The following FBRSL1 variants were observed in gnomAD, a reference collection of about 807,000 sequenced individuals.
FBRSL1 encodes fibrosin like 1.
Under a neutral mutation model 89.6 loss-of-function variants are expected in FBRSL1, and 51 were observed. The observed-to-expected ratio is 0.57, with a 90% CI of 0.45 to 0.72. The LOEUF (loss-of-function observed/expected upper bound fraction) is 0.72, where lower values mean the gene tolerates loss of function less well. Ranked by LOEUF, FBRSL1 falls within the 30% of genes least tolerant of loss-of-function variation. The probability of loss-of-function intolerance (pLI) is 0.00; values close to 1 mark genes in which losing one functional copy is unlikely to be tolerated. For synonymous variants in FBRSL1, 779 were observed against 681.1 expected, an observed-to-expected ratio of 1.14 and a Z score of -2.24; for missense variants, 1,618 against 1,451.8, an observed-to-expected ratio of 1.11 and a Z score of -1.86.
chr12:132,581,900 C>T, intron 17 of FBRSL1, 76 bp downstream of exon 17: 1 of 1,405,418 alleles, frequency 7.1e-7, no homozygotes, highest in Non-Finnish European at 9.6e-7. Context: ...TGCAGGAACC[C>T]CGATGCCTGG....
At chr12:132,502,776 A>G in intron 1 of FBRSL1, among the ~76,000 whole-genome samples, 1 of 9,440 alleles carries the variant, frequency 1.1e-4, no homozygotes, top group Non-Finnish European at 2.1e-4. Context: ...CCCGCCCCCT[A>G]CCGTCCCTGC....
At chr12:132,523,683 C>T (rs947262431) in intron 2 of FBRSL1, among the ~76,000 whole-genome samples, 1 of 152,238 alleles carries the variant, frequency 6.6e-6, no homozygotes, top group African/African-American at 2.4e-5. Context: ...CCCTGAGCCT[C>T]TGTCCCTAGA....
chr12:132,526,923 C>G lies in FBRSL1; in HGVS notation c.580-1030C>G, dbSNP rs377281888. ...AGCTGGTGTGATCCATACCTCTGTC[C>G]TGAAGACCTCACAACACCCACTCGA... On this transcript the variant is annotated intron_variant, in intron 3 of 18. Transcript: ENST00000680143. Among the ~76,000 whole-genome samples, 14 of 152,268 alleles carry G rather than the reference C, an allele frequency of 9.2e-5. No homozygotes were observed. In the South Asian group the frequency reaches 2.9e-3, roughly 32 times the overall value.
At chr12:132,582,830 G>A in intron 18 of FBRSL1, 141 bp from the exon 19 acceptor site, 1 of 604,450 alleles carries the variant, frequency 1.7e-6, no homozygotes, top group Non-Finnish European at 2.5e-6. Flanking sequence ...GAGCCTGTGG[G>A]GGTGCGGGAG....
intron 2 of FBRSL1, chr12:132,509,046 G>A (rs1021359247): frequency 7.4e-6 from 9 of 1,215,296 alleles, no homozygotes; most frequent in African/African-American, 4.7e-5. Flanking sequence ...GGCTCTCCTC[G>A]GCCCCCTTGG....
chr12:132,534,470 G>T (rs1434033238), intron 4 of FBRSL1, among the ~76,000 whole-genome samples: 1 of 152,250 alleles, frequency 6.6e-6, no homozygotes, highest in Non-Finnish European at 1.5e-5. Context: ...CTGCCAGGGC[G>T]GGGTCCAGAT....
rs911582928 is a variant in FBRSL1 at position 132,499,795 on chromosome 12, C to G, written c.292-8358C>G. ...CTGGGGACTCAGGGCAAATGGGGTA[C>G]TTGGTTCCACGTACCTGTGGAGGAC... On this transcript the variant is annotated intron_variant, in intron 1 of 18. Coordinates refer to ENST00000680143, the MANE Select transcript of FBRSL1 (RefSeq NM_001367871.1). The surrounding 1 kb of genome is among the most constrained non-coding windows in gnomAD (Gnocchi z 4.3). Among the ~76,000 whole-genome samples, 8 of 152,084 alleles carry G rather than the reference C, an allele frequency of 5.3e-5. No individual in the cohort carries two copies. Among genetic ancestry groups the G allele is most frequent in the African/African-American group, 1.7e-4 (7 of 41,386 alleles).
intron 2 of FBRSL1, among the ~76,000 whole-genome samples, chr12:132,518,249 CCTGT>C (rs1234780240): frequency 6.7e-6 from 1 of 149,876 alleles, no homozygotes; most frequent in Non-Finnish European, 1.5e-5. Context: ...CCATCATCCA[CCTGT>C]CTGTCCATCC....
intron 11 of FBRSL1, among the ~76,000 whole-genome samples, chr12:132,573,851 C>G (rs1593569694): frequency 6.6e-6 from 1 of 152,182 alleles, no homozygotes; most frequent in South Asian, 2.1e-4. Context: ...CAAGTGGCTC[C>G]CCGGGGAGGG....
At chr12:132,500,141 G>T (rs138797626) in intron 1 of FBRSL1, among the ~76,000 whole-genome samples, 6 of 152,202 alleles carry the variant, frequency 3.9e-5, no homozygotes, top group East Asian at 3.8e-4. Flanking sequence ...GCCATCAAGC[G>T]TCTGGGGCTG....
Position 132,525,791 on chromosome 12 carries a change from G to C in FBRSL1, c.547G>C (p.Glu183Gln). The C allele has an allele frequency of 6.5e-7, 1 of 1,549,820 alleles. No individual in the cohort carries two copies. The highest frequency in any genetic ancestry group is 8.7e-7 in the Non-Finnish European group (1 of 1,146,316). Residue 183 changes from glutamate (E) to glutamine (Q), a missense_variant, in exon 3 of 19, where the codon GAA (glutamate) becomes CAA (glutamine). Glu to Gln is a conservative substitution (Grantham distance 29). Transcript: ENST00000680143. ...GGACAGTGACGACGACAGCGTCCTC[G>C]AAGCCACCAGCTCCCGGGACCCGCT... ...DRDSDDDSVL[E>Q]ATSSRDPLSD...
At chr12:132,523,827 C>T (rs1001265576) in intron 2 of FBRSL1, among the ~76,000 whole-genome samples, 3 of 152,184 alleles carry the variant, frequency 2.0e-5, no homozygotes, top group Non-Finnish European at 4.4e-5. Context: ...CCCGGGACCC[C>T]GCGTTGAGAA....
intron 5 of FBRSL1, among the ~76,000 whole-genome samples, chr12:132,561,769 G>C (rs543229603): frequency 1.3e-5 from 2 of 152,300 alleles, no homozygotes; most frequent in East Asian, 3.9e-4. Context: ...TCAGATGAGG[G>C]GTCCAGAAGT....
chr12:132,573,182 C>T (rs2040158077), intron 11 of FBRSL1, among the ~76,000 whole-genome samples: 1 of 152,206 alleles, frequency 6.6e-6, no homozygotes, highest in African/African-American at 2.4e-5. Context: ...GGGCACACAG[C>T]TCTCAGTCCT....
intron 1 of FBRSL1, among the ~76,000 whole-genome samples, chr12:132,504,576 A>G (rs1315636680): frequency 1.3e-5 from 2 of 152,040 alleles, no homozygotes; most frequent in Non-Finnish European, 2.9e-5. Flanking sequence ...GTGTGGTGCC[A>G]CGGGTGCTGA....
At chr12:132,506,808 G>C (rs1045012498) in intron 1 of FBRSL1, among the ~76,000 whole-genome samples, 6 of 152,276 alleles carry the variant, frequency 3.9e-5, no homozygotes, top group Admixed American at 2.6e-4. Flanking sequence ...AGGGCTCTGG[G>C]CCTTGAGTGG....
intron 11 of FBRSL1, among the ~76,000 whole-genome samples, chr12:132,573,109 A>G (rs2137949855): frequency 6.6e-6 from 1 of 152,254 alleles, no homozygotes; most frequent in South Asian, 2.1e-4. Flanking sequence ...GCCAGGGGAG[A>G]GGGAACCCCG....
chr12:132,569,803 A>T, intron 6 of FBRSL1, 123 bp from the exon 7 acceptor site: 7 of 689,010 alleles, frequency 1.0e-5, no homozygotes, highest in Non-Finnish European at 1.5e-5. Context: ...CTCATCTGAA[A>T]TGGGGGCATA....
intron 5 of FBRSL1, among the ~76,000 whole-genome samples, chr12:132,556,048 G>A (rs1187710530): frequency 2.6e-5 from 4 of 152,176 alleles, no homozygotes; most frequent in Non-Finnish European, 5.9e-5. Context: ...GTGTTTCCGC[G>A]AAGTTCCGGT....
Sources: allele counts gnomAD v4.1 joint callset (sites outside exome capture counted in the v4.1 genomes callset), GRCh38; gene constraint gnomAD v4.1.1; non-coding constraint Gnocchi (gnomAD v3.1); transcripts MANE v1.5; gene names NCBI Gene and HGNC (gene_info 2026-07-23, HGNC 2026-07-21).